The following MGMT variants were observed in gnomAD, a reference collection of about 807,000 sequenced individuals.
MGMT encodes the protein methylated-DNA--protein-cysteine methyltransferase.
Under a neutral mutation model 15.9 loss-of-function variants are expected in MGMT, and 14 were observed. The observed-to-expected ratio is 0.88, with a 90% CI of 0.58 to 1.37. The LOEUF (loss-of-function observed/expected upper bound fraction) is 1.37, where lower values mean the gene tolerates loss of function less well. Ranked by LOEUF, MGMT falls within the 40% of genes most tolerant of loss-of-function variation. MGMT has a pLI of 0.00. For missense variants in MGMT, 282 were observed against 268.1 expected (o/e 1.05, Z -0.36); for synonymous variants, 130 against 118.2 (o/e 1.10, Z -0.65).
At position 129,566,430 on chromosome 10, in the gene MGMT, C is replaced by T. The variant is rs1589870384; in HGVS notation, c.125+30053C>T. ...AGTGCTCTGGGCGGATGTACCTTGG[C>T]TCTGCCTGGACCCTCTCTCTCTTCC... On this transcript the variant is annotated intron_variant, in intron 2 of 4. Transcript: ENST00000651593. The surrounding 1 kb of genome is among the most constrained non-coding windows in gnomAD (Gnocchi z 4.1). Among the ~76,000 whole-genome samples, 1 of 152,192 alleles carries T rather than the reference C, an allele frequency of 6.6e-6. No homozygotes were observed. The highest frequency in any genetic ancestry group is 2.4e-5 in the African/African-American group (1 of 41,450).
At chr10:129,637,541 G>A (rs191485516) in intron 2 of MGMT, among the ~76,000 whole-genome samples, 2 of 152,326 alleles carry the variant, frequency 1.3e-5, no homozygotes, top group Non-Finnish European at 2.9e-5. Context: ...TAGGGGGCAG[G>A]ATCGAAGGAG....
chr10:129,634,161 A>C (rs1589905660), intron 2 of MGMT, among the ~76,000 whole-genome samples: 1 of 152,162 alleles, frequency 6.6e-6, no homozygotes, highest in Non-Finnish European at 1.5e-5. Context: ...AATACTTTAC[A>C]GATTTTGCTA....
chr10:129,481,270 G>A (rs1308545737), intron 1 of MGMT, among the ~76,000 whole-genome samples: 1 of 152,170 alleles, frequency 6.6e-6, no homozygotes, highest in African/African-American at 2.4e-5. Flanking sequence ...ACTCTCATTG[G>A]TTTCCATGTC....
intron 2 of MGMT, among the ~76,000 whole-genome samples, chr10:129,570,468 C>A (rs80338422): frequency 0.032 from 4,947 of 152,334 alleles, 131 homozygotes; most frequent in South Asian, 0.065. Flanking sequence ...CCGGGTCATC[C>A]GGAGAGGGAC....
At position 129,639,049 on chromosome 10, in the gene MGMT, T is replaced by A. The variant is rs145262685; in HGVS notation, c.126-68846T>A. Among the ~76,000 whole-genome samples the A allele has an allele frequency of 1.3e-4, 20 of 152,292 alleles. No homozygotes were observed. In the East Asian group the frequency reaches 3.5e-3, roughly 26 times the overall value. ...CATAAATGACAAAAATAATTTGTAT[T>A]CTTGAAAATATATAGCCATGGAAGT... On this transcript the variant is annotated intron_variant, in intron 2 of 4. Coordinates refer to ENST00000651593, the MANE Select transcript of MGMT (RefSeq NM_002412.5).
intron 2 of MGMT, among the ~76,000 whole-genome samples, chr10:129,549,998 C>G (rs1475960851): frequency 6.6e-6 from 1 of 151,760 alleles, no homozygotes; most frequent in Non-Finnish European, 1.5e-5. Flanking sequence ...GGTTGGTTAC[C>G]CACTCAGGAC....
intron 2 of MGMT, among the ~76,000 whole-genome samples, chr10:129,699,964 T>A (rs984823559): frequency 2.0e-5 from 3 of 151,882 alleles, no homozygotes; most frequent in African/African-American, 7.3e-5. Flanking sequence ...AAAAAAAAAA[T>A]ACATTACTCA....
intron 2 of MGMT, among the ~76,000 whole-genome samples, chr10:129,652,167 G>A (rs1043534929): frequency 3.3e-5 from 5 of 152,208 alleles, no homozygotes; most frequent in African/African-American, 4.8e-5. Context: ...GGCCCCCTGG[G>A]AGACAGGTCC....
intron 2 of MGMT, among the ~76,000 whole-genome samples, chr10:129,597,055 GT>G (rs1484062855): frequency 6.6e-6 from 1 of 152,146 alleles, no homozygotes; most frequent in Non-Finnish European, 1.5e-5. Context: ...CCTGTAGATT[GT>G]TAGGATAAAT....
At chr10:129,535,987 G>A (rs1191586892) in intron 1 of MGMT, among the ~76,000 whole-genome samples, 3 of 152,182 alleles carry the variant, frequency 2.0e-5, no homozygotes, top group Non-Finnish European at 4.4e-5. Context: ...AAAGATAAAC[G>A]AGAAGAATCG....
intron 1 of MGMT, among the ~76,000 whole-genome samples, chr10:129,527,314 G>A (rs1318756184): frequency 6.6e-6 from 1 of 152,166 alleles, no homozygotes; most frequent in Non-Finnish European, 1.5e-5. Flanking sequence ...CCTTAGGACC[G>A]ATGGTTCGAA....
intron 2 of MGMT, among the ~76,000 whole-genome samples, chr10:129,589,333 G>A (rs969527490): frequency 2.6e-5 from 4 of 152,200 alleles, no homozygotes; most frequent in African/African-American, 4.8e-5. Flanking sequence ...CCTTCATCAC[G>A]GGAGTGTGGG....
rs535604549 is a variant in MGMT, at chr10:129,494,179, A to G, written c.-13+26883A>G. On this transcript the variant is annotated intron_variant, in intron 1 of 4. Coordinates refer to ENST00000651593, the MANE Select transcript of MGMT (RefSeq NM_002412.5). The stretch of plus-strand genomic sequence containing the variant: ...AGACTTCTTGTGTCTTACACTGAGA[A>G]ATTCTTAGCCAGCCTCTTAGTTTCC... Among the ~76,000 whole-genome samples the G allele has an allele frequency of 1.0e-3, 153 of 152,274 alleles. 1 individual carries two copies. Among genetic ancestry groups the G allele is most frequent in the Non-Finnish European group, 1.5e-3 (103 of 68,024 alleles).
chr10:129,707,814 T>C, intron 2 of MGMT, 81 bp from the exon 3 acceptor site: 1 of 1,577,588 alleles, frequency 6.3e-7, no homozygotes, highest in Non-Finnish European at 8.6e-7. Flanking sequence ...TTTGCCCGTT[T>C]AGATGCAGTA....
intron 2 of MGMT, among the ~76,000 whole-genome samples, chr10:129,555,846 T>C (rs1177906385): frequency 2.6e-5 from 4 of 152,234 alleles, no homozygotes; most frequent in African/African-American, 9.6e-5. Flanking sequence ...TTCCAAGTTT[T>C]ATTTTCGGCA....
At chr10:129,725,280 G>C (rs1848419532) in intron 3 of MGMT, among the ~76,000 whole-genome samples, 1 of 152,198 alleles carries the variant, frequency 6.6e-6, no homozygotes, top group Non-Finnish European at 1.5e-5. Flanking sequence ...TGGAGCACAG[G>C]GTGCCCATCC....
intron 2 of MGMT, among the ~76,000 whole-genome samples, chr10:129,622,778 C>A (rs1847104590): frequency 6.6e-6 from 1 of 151,288 alleles, no homozygotes; most frequent in Non-Finnish European, 1.5e-5. Flanking sequence ...TCCTGACTTT[C>A]AATAAATGGC....
At chr10:129,498,432 C>T (rs1318929989) in intron 1 of MGMT, among the ~76,000 whole-genome samples, 2 of 152,180 alleles carry the variant, frequency 1.3e-5, no homozygotes, top group East Asian at 3.9e-4. Context: ...GTTTGTATTT[C>T]CCTCCTTCCC....
intron 2 of MGMT, among the ~76,000 whole-genome samples, chr10:129,614,899 C>T (rs1436326107): frequency 2.0e-5 from 3 of 152,162 alleles, no homozygotes; most frequent in South Asian, 2.1e-4. Context: ...AGCGCTCCCT[C>T]GTCAGCTTTT....
Sources: gnomAD v4.1 joint callset for allele counts (sites outside exome capture counted in the v4.1 genomes callset) on GRCh38, gnomAD v4.1.1 for gene constraint, Gnocchi (gnomAD v3.1) non-coding constraint, MANE v1.5 for transcripts, NCBI Gene and HGNC (gene_info 2026-07-23, HGNC 2026-07-21) for gene names.